Variants in MAP3K2 observed in about 807,000 individuals in gnomAD.
MAP3K2 encodes the protein mitogen-activated protein kinase kinase kinase 2.
A neutral mutation model predicts 80.3 loss-of-function variants in MAP3K2; 24 were observed. That is an observed-to-expected ratio of 0.30 (90% confidence interval 0.22 to 0.42). The LOEUF is 0.42. Ranked by LOEUF, MAP3K2 falls within the 10% of genes least tolerant of loss-of-function variation. MAP3K2 has a pLI of 1.00. For synonymous variants in MAP3K2, 244 were observed against 253.7 expected (o/e 0.96, Z 0.36); for missense variants, 608 against 750.1 (o/e 0.81, Z 2.21).
intron 1 of MAP3K2, among the ~76,000 whole-genome samples, chr2:127,362,125 A>T (rs986331872): frequency 1.3e-5 from 2 of 152,190 alleles, no homozygotes; most frequent in East Asian, 1.9e-4. Flanking sequence ...TTTCTCTCTC[A>T]GTGGGTCATG....
intron 1 of MAP3K2, among the ~76,000 whole-genome samples, chr2:127,351,368 CA>C (rs1261389831): frequency 6.6e-6 from 1 of 151,988 alleles, no homozygotes; most frequent in Non-Finnish European, 1.5e-5. Context: ...AAGTTACTCT[CA>C]AATAATCAAA....
At chr2:127,325,930 A>G (rs1686128248) in intron 8 of MAP3K2, 123 bp from the exon 9 acceptor site, 1 of 661,304 alleles carries the variant, frequency 1.5e-6, no homozygotes, top group Non-Finnish European at 2.7e-6. Flanking sequence ...AAAGTATACA[A>G]GTCAAGGCTT....
At chr2:127,329,324 T>C (rs1207828883) in intron 7 of MAP3K2, among the ~76,000 whole-genome samples, 1 of 152,072 alleles carries the variant, frequency 6.6e-6, no homozygotes, top group African/African-American at 2.4e-5. Context: ...TATAATTACT[T>C]CTTTTAATTT....
chr2:127,328,215 C>CA (rs1435134185), intron 7 of MAP3K2, among the ~76,000 whole-genome samples: 2 of 152,218 alleles, frequency 1.3e-5, no homozygotes, highest in Non-Finnish European at 2.9e-5. Flanking sequence ...GCAGCGGTTA[C>CA]AGTTAGCTGA....
At chr2:127,388,237 C>G (rs374358126), upstream of MAP3K2, 4,216 of 864,362 alleles carry the variant, frequency 4.9e-3, 14 homozygotes, top group Non-Finnish European at 5.4e-3. Flanking sequence ...GTGTGCGCGG[C>G]GCATACGCAC....
In MAP3K2 at chr2:127,299,446, C is replaced by A. The variant is rs574794943; in HGVS notation, c.*8133G>T. On this transcript the variant is annotated 3_prime_UTR_variant, in exon 17 of 17. Coordinates refer to ENST00000682094, the MANE Select transcript of MAP3K2 (RefSeq NM_001371910.2). ...TGATAGAAAAACTAAAAGTTGAAATCTTTTGGGGTGGAATACAGGAAATAT... is the reference window on the plus strand; with the variant it reads ...TGATAGAAAAACTAAAAGTTGAAATATTTTGGGGTGGAATACAGGAAATAT... 4 of 152,214 alleles carry A rather than the reference C, an allele frequency of 2.6e-5. No homozygotes were observed. The highest frequency in any genetic ancestry group is 6.5e-5 in the Admixed American group (1 of 15,288). 9.4% of individuals were successfully genotyped at this position (152,214 alleles called of 1,614,324 possible).
chr2:127,355,687 A>G (rs756387717), intron 1 of MAP3K2, among the ~76,000 whole-genome samples: 30 of 152,148 alleles, frequency 2.0e-4, no homozygotes, highest in Non-Finnish European at 2.8e-4. Context: ...ATTTCTTAAA[A>G]TAAGACAACA....
intron 1 of MAP3K2, among the ~76,000 whole-genome samples, chr2:127,369,436 T>C (rs1311027851): frequency 8.3e-5 from 9 of 109,066 alleles, no homozygotes; most frequent in Admixed American, 2.6e-4. Context: ...ATCGAGACCC[T>C]CCTGGCTAAC....
chr2:127,333,281 C>T (rs1686296764), intron 5 of MAP3K2, among the ~76,000 whole-genome samples: 2 of 148,976 alleles, frequency 1.3e-5, no homozygotes, highest in South Asian at 4.3e-4. Context: ...CCTCATAACA[C>T]ACACACACAC....
intron 1 of MAP3K2, among the ~76,000 whole-genome samples, chr2:127,367,480 T>C (rs1374086153): frequency 6.6e-6 from 1 of 152,170 alleles, no homozygotes; most frequent in East Asian, 1.9e-4. Context: ...CCCTATCACA[T>C]TAGAATAAAA....
chr2:127,314,681 T>C (rs1264005864), intron 15 of MAP3K2, 73 bp downstream of exon 15: 12 of 1,193,630 alleles, frequency 1.0e-5, no homozygotes, highest in Non-Finnish European at 1.4e-5. Context: ...TTAAATGTCT[T>C]ACCCACATCA....
In MAP3K2 at chr2:127,317,731, C is replaced by T. The variant is rs2104815181; in HGVS notation, c.1224G>A (p.Gln408=). The T allele has an allele frequency of 6.2e-7, 1 of 1,602,918 alleles. No homozygotes were observed. Among genetic ancestry groups the T allele is most frequent in the Middle Eastern group, 1.7e-4 (1 of 6,042 alleles). ...GCTCATGTAGCAAGTTTTTCAGCAA[C>T]TGAATTTCACACTCAAGTGCATTTA... ...KEVNALECEI[Q]LLKNLLHERI... Residue 408 remains glutamine (Q), a synonymous_variant, in exon 14 of 17, where the codon CAG becomes CAA. Transcript: ENST00000682094.
At chr2:127,345,562 C>T (rs1686582631) in intron 1 of MAP3K2, among the ~76,000 whole-genome samples, 1 of 152,198 alleles carries the variant, frequency 6.6e-6, no homozygotes, top group African/African-American at 2.4e-5. Context: ...AACCTCAAAA[C>T]AGCAGAATAT....
At chr2:127,312,490 A>C (rs1168182033) in intron 15 of MAP3K2, among the ~76,000 whole-genome samples, 3 of 152,178 alleles carry the variant, frequency 2.0e-5, no homozygotes, top group Middle Eastern at 3.4e-3. Flanking sequence ...GCAATACCCT[A>C]TCTCTACAAA....
intron 1 of MAP3K2, among the ~76,000 whole-genome samples, chr2:127,365,315 A>T (rs1686953989): frequency 6.6e-6 from 1 of 152,016 alleles, no homozygotes; most frequent in African/African-American, 2.4e-5. Flanking sequence ...CATTCCTATG[A>T]GCCTTGATCC....
Position 127,301,158 on chromosome 2 carries a change from A to G in MAP3K2, c.*6421T>C, listed in dbSNP as rs1685585102. The G allele has an allele frequency of 6.6e-6, 1 of 152,210 alleles. No homozygotes were observed. Among genetic ancestry groups the G allele is most frequent in the Non-Finnish European group, 1.5e-5 (1 of 68,036 alleles). 9.4% of individuals were successfully genotyped at this position (152,210 alleles called of 1,614,324 possible). A position where few individuals can be genotyped will look rare whatever the true frequency, so the allele number is the denominator to read the frequency against. On this transcript the variant is annotated 3_prime_UTR_variant, in exon 17 of 17. Transcript: ENST00000682094. ...GAAGCAGATACTTCCTTATGTTCCA[A>G]AATGTCTATGGCACAAAGCAGACAT... is the stretch of plus-strand genomic sequence containing the variant.
intron 14 of MAP3K2, among the ~76,000 whole-genome samples, chr2:127,315,970 G>C (rs1208320255): frequency 6.6e-6 from 1 of 152,116 alleles, no homozygotes; most frequent in Non-Finnish European, 1.5e-5. Flanking sequence ...AGCTACTCAG[G>C]AGGCTGAGGC....
chr2:127,358,308 A>G (rs1686828309), intron 1 of MAP3K2, among the ~76,000 whole-genome samples: 1 of 152,240 alleles, frequency 6.6e-6, no homozygotes, highest in Non-Finnish European at 1.5e-5. Flanking sequence ...CCGTGCAACT[A>G]AAATGCTCAT....
intron 15 of MAP3K2, among the ~76,000 whole-genome samples, chr2:127,312,091 T>C (rs990064229): frequency 6.6e-6 from 1 of 152,250 alleles, no homozygotes; most frequent in Non-Finnish European, 1.5e-5. Context: ...CAAAACTAGA[T>C]AGATGATGCT....
Sources: gnomAD v4.1 joint callset for allele counts (sites outside exome capture counted in the v4.1 genomes callset) on GRCh38, gnomAD v4.1.1 for gene constraint, MANE v1.5 for transcripts, NCBI Gene and HGNC (gene_info 2026-07-23, HGNC 2026-07-21) for gene names.